The following CHST3 variants were observed in gnomAD, a reference collection of about 807,000 sequenced individuals.
CHST3 encodes C6ST-1.
Under a neutral mutation model 35.4 loss-of-function variants are expected in CHST3, and 20 were observed. The observed-to-expected ratio is 0.57, with a 90% CI of 0.40 to 0.82. The LOEUF is 0.82. CHST3 is among the 40% of genes least tolerant of loss of function. The probability of loss-of-function intolerance (pLI) is 0.00; values close to 1 mark genes in which losing one functional copy is unlikely to be tolerated. For missense variants in CHST3, 693 were observed against 670.1 expected (o/e 1.03, Z -0.38); for synonymous variants, 334 against 295.9 (o/e 1.13, Z -1.32).
intron 1 of CHST3, among the ~76,000 whole-genome samples, chr10:72,003,940 C>T (rs191281551): frequency 6.6e-6 from 1 of 152,114 alleles, no homozygotes; most frequent in East Asian, 1.9e-4. Context: ...CTTTGGGAGA[C>T]CAAGGCAGGT....
chr10:71,980,422 A>G (rs1367607392), intron 1 of CHST3, among the ~76,000 whole-genome samples: 1 of 151,852 alleles, frequency 6.6e-6, no homozygotes, highest in African/African-American at 2.4e-5. Context: ...GCATTCTGAT[A>G]TTTTCTAATC....
chr10:71,996,402 TCC>T (rs1220884386), intron 1 of CHST3, among the ~76,000 whole-genome samples: 1 of 147,710 alleles, frequency 6.8e-6, no homozygotes, highest in Non-Finnish European at 1.5e-5. Flanking sequence ...TCTCTTTCTC[TCC>T]CTCTCTCTGT....
At chr10:72,002,430 C>T (rs4148938) in intron 1 of CHST3, among the ~76,000 whole-genome samples, 1 of 152,056 alleles carries the variant, frequency 6.6e-6, no homozygotes, top group South Asian at 2.1e-4. Context: ...CCGACCCGCA[C>T]CTGCCTTTTC....
In CHST3 at chr10:71,975,038, C is replaced by T. The variant is rs116825741; in HGVS notation, c.-108+10344C>T. Among the ~76,000 whole-genome samples the T allele has an allele frequency of 5.6e-3, 846 of 152,288 alleles. 6 individuals are homozygous for T. The highest frequency in any genetic ancestry group is 0.018 in the African/African-American group (767 of 41,554). ...TGTCGAGCTTTTAGAGTTGCTTTTC[C>T]TTGAGAATGGTGCCTGCTGTTTGGG... On this transcript the variant is annotated intron_variant, in intron 1 of 2. Coordinates refer to ENST00000373115, the MANE Select transcript of CHST3 (RefSeq NM_004273.5).
chr10:72,008,750 TCA>T lies in CHST3; in HGVS notation c.*288_*289del, dbSNP rs1227185864. 5 of 417,432 alleles carry T rather than the reference TCA, an allele frequency of 1.2e-5. No homozygotes were observed. Among genetic ancestry groups the T allele is most frequent in the Admixed American group, 8.1e-5 (2 of 24,690 alleles). 25.9% of individuals were successfully genotyped at this position (417,432 alleles called of 1,614,324 possible). A position where few individuals can be genotyped will look rare whatever the true frequency, so the allele number is the denominator to read the frequency against. On this transcript the variant is annotated 3_prime_UTR_variant, in exon 3 of 3. Transcript: ENST00000373115. Reference sequence around the variant, plus strand: ...CCGGGCCTGTTGGCAAGCTTCGATCTCACACACACAGAAACATACATTCGTGC... The same window carrying T: ...CCGGGCCTGTTGGCAAGCTTCGATCTCACACACAGAAACATACATTCGTGC...
intron 1 of CHST3, among the ~76,000 whole-genome samples, chr10:71,996,784 T>C (rs1839943588): frequency 6.6e-6 from 1 of 152,150 alleles, no homozygotes; most frequent in African/African-American, 2.4e-5. Flanking sequence ...GCACTGTGGG[T>C]ATCGTGGAGA....
intron 1 of CHST3, among the ~76,000 whole-genome samples, chr10:71,997,682 ATTTTT>A (rs35366073): frequency 7.4e-6 from 1 of 135,406 alleles, no homozygotes; most frequent in African/African-American, 2.7e-5. Flanking sequence ...GTCTCCATAA[ATTTTT>A]TTTTTTTTTT....
chr10:72,005,307 G>C (rs1840028116), intron 1 of CHST3, among the ~76,000 whole-genome samples: 2 of 151,308 alleles, frequency 1.3e-5, no homozygotes, highest in South Asian at 4.2e-4. Flanking sequence ...GTGTCTGTGT[G>C]TGTGTGTGTG....
At chr10:71,982,113 A>G (rs2131746424) in intron 1 of CHST3, among the ~76,000 whole-genome samples, 1 of 152,356 alleles carries the variant, frequency 6.6e-6, no homozygotes, top group Non-Finnish European at 1.5e-5. Context: ...CTTGCATGGT[A>G]AGGACTGTCC....
chr10:71,975,962 G>A (rs949688742), intron 1 of CHST3, among the ~76,000 whole-genome samples: 2 of 152,226 alleles, frequency 1.3e-5, no homozygotes, highest in Non-Finnish European at 2.9e-5. Flanking sequence ...CTGAGCTCCC[G>A]CGGTAGAACC....
intron 1 of CHST3, among the ~76,000 whole-genome samples, chr10:71,978,935 G>C (rs1839773468): frequency 6.6e-6 from 1 of 152,168 alleles, no homozygotes; most frequent in Admixed American, 6.5e-5. Context: ...TGACCTTGGG[G>C]AGTCCAGTGC....
In CHST3 at chr10:72,008,498, C is replaced by T; in HGVS notation, c.*27C>T. The T allele has an allele frequency of 2.0e-6, 3 of 1,489,236 alleles. No individual in the cohort carries two copies. Among genetic ancestry groups the T allele is most frequent in the Non-Finnish European group, 2.7e-6 (3 of 1,118,090 alleles). The allele number at this position is 1,489,236 out of a possible 1,614,324, so 92.3% of individuals were successfully genotyped here. On this transcript the variant is annotated 3_prime_UTR_variant, in exon 3 of 3. Coordinates refer to ENST00000373115, the MANE Select transcript of CHST3 (RefSeq NM_004273.5). Reference sequence around the variant, plus strand: ...GGGGCCGGGGCCCCGTATGCCCCTCCTCGTGAAAGGCCTGCCCCGTCTTTC... The same window carrying T: ...GGGGCCGGGGCCCCGTATGCCCCTCTTCGTGAAAGGCCTGCCCCGTCTTTC...
Position 72,008,020 on chromosome 10 carries a change from A to C in CHST3, c.989A>C (p.Gln330Pro). 1 of 1,549,538 alleles carries C rather than the reference A, an allele frequency of 6.5e-7. No homozygotes were observed. The highest frequency in any genetic ancestry group is 8.7e-7 in the Non-Finnish European group (1 of 1,146,520). ...TWKKWLDDEG[Q>P]DGLREEEVQR... ...AAGAAGTGGCTGGACGACGAGGGCC[A>C]GGACGGCCTGAGGGAAGAGGAGGTG... The change falls in exon 3 of 3, where the codon CAG becomes CCG. Residue 330 changes from glutamine to proline, a missense_variant. Coordinates refer to ENST00000373115, the MANE Select transcript of CHST3 (RefSeq NM_004273.5).
chr10:71,969,514 C>T lies in CHST3; in HGVS notation c.-108+4820C>T, dbSNP rs550727030. Among the ~76,000 whole-genome samples, 9 of 152,346 alleles carry T rather than the reference C, an allele frequency of 5.9e-5. No homozygotes were observed. The South Asian group carries it at 6.2e-4, about 11-fold the overall frequency. On this transcript the variant is annotated intron_variant, in intron 1 of 2. Coordinates refer to ENST00000373115, the MANE Select transcript of CHST3 (RefSeq NM_004273.5). Reference sequence around the variant, plus strand: ...GGAAAGGCTGGCGCCCTTCAAAGGACGCAAAGAGCATTGGATGAGCACTGC... The same window carrying T: ...GGAAAGGCTGGCGCCCTTCAAAGGATGCAAAGAGCATTGGATGAGCACTGC...
intron 1 of CHST3, among the ~76,000 whole-genome samples, chr10:71,988,936 G>A (rs1839873547): frequency 1.3e-5 from 2 of 152,296 alleles, no homozygotes; most frequent in South Asian, 2.1e-4. Context: ...TCCGAGGCAG[G>A]TGGATCACTT....
rs1295378532 is a variant in CHST3 at position 72,012,712 on chromosome 10, T to G, written c.*4241T>G. On this transcript the variant is annotated 3_prime_UTR_variant, in exon 3 of 3. Transcript: ENST00000373115. ...TGTACAAGCTGATAGAAGGACCATC[T>G]GCTGAAATCCAGGGCTCCTGAGTTG... 1 of 152,322 alleles carries G rather than the reference T, an allele frequency of 6.6e-6. No homozygotes were observed. Among genetic ancestry groups the G allele is most frequent in the Non-Finnish European group, 1.5e-5 (1 of 68,120 alleles). 9.4% of individuals were successfully genotyped at this position (152,322 alleles called of 1,614,324 possible).
intron 1 of CHST3, among the ~76,000 whole-genome samples, chr10:71,979,461 G>A (rs904952294): frequency 2.0e-5 from 3 of 152,068 alleles, no homozygotes; most frequent in African/African-American, 7.2e-5. Flanking sequence ...TGGCTGTGGG[G>A]GAAGTCGGAG....
intron 1 of CHST3, among the ~76,000 whole-genome samples, chr10:71,968,448 C>T (rs1839654268): frequency 6.6e-6 from 1 of 152,152 alleles, no homozygotes; most frequent in African/African-American, 2.4e-5. Context: ...TCTGTTTACT[C>T]TGTTGATAGT....
At chr10:71,991,750 T>G (rs1243900343) in intron 1 of CHST3, among the ~76,000 whole-genome samples, 1 of 152,042 alleles carries the variant, frequency 6.6e-6, no homozygotes, top group African/African-American at 2.4e-5. Flanking sequence ...CTGGCCAACA[T>G]GGTGAAACCC....
Sources: allele counts gnomAD v4.1 joint callset (sites outside exome capture counted in the v4.1 genomes callset), GRCh38; gene constraint gnomAD v4.1.1; transcripts MANE v1.5; gene names NCBI Gene and HGNC (gene_info 2026-07-23, HGNC 2026-07-21).